Variants in CNTNAP2 observed in about 807,000 individuals in gnomAD.
The protein encoded by CNTNAP2 is contactin-associated protein-like 2.
CNTNAP2 carries 98 observed loss-of-function variants against 155.2 expected under a neutral mutation model. The ratio of observed to expected loss-of-function variants is 0.63; its 90% CI spans 0.54 to 0.75. The LOEUF (loss-of-function observed/expected upper bound fraction) is 0.75. Ranked by LOEUF, CNTNAP2 falls within the 30% of genes least tolerant of loss-of-function variation. CNTNAP2 has a pLI of 0.00. For missense variants in CNTNAP2, 1,727 were observed against 1,688.1 expected, an observed-to-expected ratio of 1.02 and a Z score of -0.40; for synonymous variants, 651 against 631.2, an observed-to-expected ratio of 1.03 and a Z score of -0.47.
At chr7:147,196,049 A>G (rs771673817) in intron 8 of CNTNAP2, among the ~76,000 whole-genome samples, 2 of 152,186 alleles carry the variant, frequency 1.3e-5, no homozygotes, top group Non-Finnish European at 2.9e-5. Flanking sequence ...AGAAGGGGAA[A>G]TTAGGACACA....
Position 146,440,052 on chromosome 7 carries a change from A to T in CNTNAP2, c.97+323079A>T, listed in dbSNP as rs1051899491. On this transcript the variant is annotated intron_variant, in intron 1 of 23. Transcript: ENST00000361727. ...GGCAGGAGAATCGCTTGAACCCGGG[A>T]GGCAGAGGTTGCAGTGAGCTGAGGT... Among the ~76,000 whole-genome samples, 3 of 151,540 alleles carry T rather than the reference A, an allele frequency of 2.0e-5. No homozygotes were observed. The East Asian group carries it at 5.8e-4, about 29-fold the overall frequency.
chr7:147,237,143 G>A (rs919801833), intron 8 of CNTNAP2, among the ~76,000 whole-genome samples: 11 of 129,164 alleles, frequency 8.5e-5, no homozygotes, highest in African/African-American at 2.1e-4. Context: ...TCAGCTCACC[G>A]CAACCTCAGA....
chr7:147,219,780 A>G (rs1308097962), intron 8 of CNTNAP2, among the ~76,000 whole-genome samples: 1 of 151,910 alleles, frequency 6.6e-6, no homozygotes, highest in Non-Finnish European at 1.5e-5. Flanking sequence ...TGGCTTCATC[A>G]CTTTTTTTGT....
intron 1 of CNTNAP2, among the ~76,000 whole-genome samples, chr7:146,621,065 T>C (rs915539355): frequency 6.6e-6 from 1 of 152,166 alleles, no homozygotes; most frequent in African/African-American, 2.4e-5. Context: ...ATCTCAACTT[T>C]AGCCGAATTT....
chr7:147,124,302 C>T (rs1042267259), intron 6 of CNTNAP2, among the ~76,000 whole-genome samples: 1 of 152,142 alleles, frequency 6.6e-6, no homozygotes, highest in African/African-American at 2.4e-5. Context: ...TCCTGCTTCC[C>T]CAAGATTATA....
chr7:147,435,539 T>A (rs1023087182), intron 10 of CNTNAP2, among the ~76,000 whole-genome samples: 12 of 152,232 alleles, frequency 7.9e-5, no homozygotes, highest in Admixed American at 1.3e-4. Context: ...TACACAAGAA[T>A]GTTTGTGACT....
rs1487029524 is a variant in CNTNAP2, at chr7:146,721,295, CTATATATGT to C, written c.98-52975_98-52967del. The stretch of plus-strand genomic sequence containing the variant: ...ATTCTATATATATTCTATATATATT[CTATATATGT>C]ATTCTATATATATTCTATATATACA... On this transcript the variant is annotated intron_variant, in intron 1 of 23. Transcript: ENST00000361727. Among the ~76,000 whole-genome samples the C allele has an allele frequency of 8.3e-3, 1,010 of 122,094 alleles. 14 individuals carry two copies. The highest frequency in any genetic ancestry group is 0.032 in the East Asian group (122 of 3,772). The allele number at this position is 122,094 out of a possible 152,430, so 80.1% of individuals were successfully genotyped here. A position where few individuals can be genotyped will look rare whatever the true frequency, so the allele number is the denominator to read the frequency against.
intron 13 of CNTNAP2, among the ~76,000 whole-genome samples, chr7:147,722,328 C>A (rs1313898698): frequency 6.6e-6 from 1 of 152,130 alleles, no homozygotes; most frequent in Non-Finnish European, 1.5e-5. Flanking sequence ...AAAATGTCAT[C>A]AGCAAGACAT....
chr7:147,108,017 A>G (rs1170418150), intron 4 of CNTNAP2, 130 bp from the exon 5 acceptor site: 9 of 794,418 alleles, frequency 1.1e-5, no homozygotes, highest in Non-Finnish European at 1.8e-5. Context: ...GAATAGAAGA[A>G]AAACAGAGGA....
intron 8 of CNTNAP2, among the ~76,000 whole-genome samples, chr7:147,280,696 A>G (rs1327338457): frequency 6.6e-6 from 1 of 151,924 alleles, no homozygotes; most frequent in Non-Finnish European, 1.5e-5. Flanking sequence ...TAACTGTTAT[A>G]TTCACATTAA....
chr7:147,337,264 A>T (rs1393776124), intron 9 of CNTNAP2, among the ~76,000 whole-genome samples: 1 of 152,074 alleles, frequency 6.6e-6, no homozygotes, highest in Non-Finnish European at 1.5e-5. Flanking sequence ...GGGCAGATGA[A>T]GTCTCATCTG....
intron 9 of CNTNAP2, among the ~76,000 whole-genome samples, chr7:147,324,294 AATTC>A (rs1269085607): frequency 6.6e-6 from 1 of 152,206 alleles, no homozygotes; most frequent in African/African-American, 2.4e-5. Context: ...CTTTTCAATG[AATTC>A]ATAAGGATAA....
intron 1 of CNTNAP2, among the ~76,000 whole-genome samples, chr7:146,188,614 T>G (rs892490406): frequency 3.3e-5 from 5 of 152,214 alleles, no homozygotes; most frequent in African/African-American, 1.2e-4. Flanking sequence ...TAGGCTATTA[T>G]GTCAAAGTAA....
intron 1 of CNTNAP2, among the ~76,000 whole-genome samples, chr7:146,579,415 C>T (rs1798576264): frequency 6.6e-6 from 1 of 152,060 alleles, no homozygotes; most frequent in African/African-American, 2.4e-5. Flanking sequence ...GCTCCATTGA[C>T]TAATGAGAAT....
At chr7:148,163,921 A>G (rs1000226427) in intron 17 of CNTNAP2, among the ~76,000 whole-genome samples, 11 of 152,054 alleles carry the variant, frequency 7.2e-5, no homozygotes, top group African/African-American at 2.7e-4. Flanking sequence ...CTGACACCAC[A>G]GGTATTTTGT....
chr7:147,507,846 T>C (rs961199554), intron 11 of CNTNAP2, among the ~76,000 whole-genome samples: 9 of 152,142 alleles, frequency 5.9e-5, no homozygotes, highest in Non-Finnish European at 1.3e-4. Flanking sequence ...CCACCGCGCC[T>C]GGCCACTTTC....
intron 13 of CNTNAP2, among the ~76,000 whole-genome samples, chr7:147,659,669 C>G (rs1274521838): frequency 1.3e-5 from 2 of 152,086 alleles, no homozygotes; most frequent in Admixed American, 1.3e-4. Context: ...TTTATAGCCA[C>G]ATATATTAAA....
At chr7:146,837,073 G>A (rs1320567069) in intron 2 of CNTNAP2, among the ~76,000 whole-genome samples, 1 of 151,940 alleles carries the variant, frequency 6.6e-6, no homozygotes, top group African/African-American at 2.4e-5. Flanking sequence ...TATATCTCCT[G>A]CCTGGAATTC....
At chr7:146,496,523 T>A (rs947429509) in intron 1 of CNTNAP2, among the ~76,000 whole-genome samples, 1 of 152,158 alleles carries the variant, frequency 6.6e-6, no homozygotes, top group African/African-American at 2.4e-5. Context: ...TAGCACAAAT[T>A]AATTCTGCCA....
Sources: allele counts gnomAD v4.1 joint callset (sites outside exome capture counted in the v4.1 genomes callset), GRCh38; gene constraint gnomAD v4.1.1; transcripts MANE v1.5; gene names NCBI Gene and HGNC (gene_info 2026-07-23, HGNC 2026-07-21).